The following KDM5B variants were observed in gnomAD, a reference collection of about 807,000 sequenced individuals.
KDM5B encodes the protein lysine-specific demethylase 5B.
A neutral mutation model predicts 193.4 loss-of-function variants in KDM5B; 144 were observed. The observed-to-expected ratio is 0.74, with a 90% CI of 0.65 to 0.86. KDM5B has a LOEUF of 0.86. KDM5B is among the 40% of genes least tolerant of loss of function. The pLI, the probability that KDM5B is intolerant of heterozygous loss-of-function variation, is 0.00. For synonymous variants in KDM5B, 668 were observed against 682.6 expected (o/e 0.98, Z 0.33); for missense variants, 1,833 against 1,886.9 (o/e 0.97, Z 0.53).
At chr1:202,806,191 A>G (rs1658285709) in intron 1 of KDM5B, among the ~76,000 whole-genome samples, 1 of 152,182 alleles carries the variant, frequency 6.6e-6, no homozygotes. Context: ...AGAACAAGAA[A>G]ACAAGATAAA....
chr1:202,778,715 C>G (rs1472678854), intron 1 of KDM5B, among the ~76,000 whole-genome samples: 1 of 152,104 alleles, frequency 6.6e-6, no homozygotes, highest in Non-Finnish European at 1.5e-5. Flanking sequence ...CTCTGCCTCC[C>G]GGGTTCAAGT....
chr1:202,746,519 T>A (rs769422069), intron 14 of KDM5B, 196 bp from the exon 15 acceptor site: 1 of 473,226 alleles, frequency 2.1e-6, no homozygotes, highest in Non-Finnish European at 3.7e-6. Flanking sequence ...TCTAGGGAGA[T>A]CTCCTTTTTC....
At chr1:202,799,738 C>T (rs967990383) in intron 1 of KDM5B, among the ~76,000 whole-genome samples, 2 of 151,890 alleles carry the variant, frequency 1.3e-5, no homozygotes, top group Non-Finnish European at 2.9e-5. Context: ...CTTGATAAAC[C>T]TCTTTTTTAT....
chr1:202,775,572 A>G (rs1245738392), intron 2 of KDM5B, among the ~76,000 whole-genome samples: 3 of 149,566 alleles, frequency 2.0e-5, no homozygotes, highest in African/African-American at 4.9e-5. Context: ...ATAATTATAC[A>G]TGGTCGGGTG....
intron 1 of KDM5B, among the ~76,000 whole-genome samples, chr1:202,780,922 G>T (rs59318150): frequency 6.6e-6 from 1 of 151,962 alleles, no homozygotes; most frequent in African/African-American, 2.4e-5. Flanking sequence ...TACATATGCA[G>T]ATTTTAAATA....
At chr1:202,769,705 CAAATT>C (rs1384257801) in intron 4 of KDM5B, among the ~76,000 whole-genome samples, 3 of 124,794 alleles carry the variant, frequency 2.4e-5, no homozygotes, top group Non-Finnish European at 5.1e-5. Flanking sequence ...AATTATGAGA[CAAATT>C]AAACACCCAA....
chr1:202,729,318 A>G (rs1469057042), intron 26 of KDM5B, 145 bp from the exon 27 acceptor site: 3 of 834,026 alleles, frequency 3.6e-6, no homozygotes, highest in Non-Finnish European at 5.7e-6. Context: ...GCTAAGCCAA[A>G]TGAGTGTAGC....
intron 1 of KDM5B, among the ~76,000 whole-genome samples, chr1:202,789,665 C>T (rs535286285): frequency 0.012 from 466 of 39,506 alleles, 1 homozygote; most frequent in Middle Eastern, 0.029. Flanking sequence ...AGCACCATGG[C>T]GGGACCCTAT....
intron 1 of KDM5B, among the ~76,000 whole-genome samples, chr1:202,788,515 T>C (rs1657504407): frequency 6.6e-6 from 1 of 152,222 alleles, no homozygotes; most frequent in African/African-American, 2.4e-5. Context: ...TAAATTCCTC[T>C]TTTACCACTT....
intron 24 of KDM5B, 51 bp from the exon 25 acceptor site, chr1:202,731,114 A>G: frequency 6.7e-7 from 1 of 1,487,422 alleles, no homozygotes; most frequent in Non-Finnish European, 9.1e-7. Flanking sequence ...GGTGTTTCAC[A>G]TTCACATTTG....
rs371854073 is a variant in KDM5B, at chr1:202,764,167, A to G, written c.712-22T>C. ...TGGCCTTAAAAAAATTGTCATATACATGAATATTTCCTTTAAGAAGAAATA... is the reference window on the plus strand; with the variant it reads ...TGGCCTTAAAAAAATTGTCATATACGTGAATATTTCCTTTAAGAAGAAATA... On this transcript the variant is annotated intron_variant, in intron 5 of 26. Coordinates refer to ENST00000367265, the MANE Select transcript of KDM5B (RefSeq NM_006618.5). The G allele has an allele frequency of 9.2e-6, 11 of 1,201,508 alleles. No individual in the cohort carries two copies. The African/African-American group carries it at 1.4e-4, about 15-fold the overall frequency. 74.4% of individuals were successfully genotyped at this position (1,201,508 alleles called of 1,614,324 possible).
intron 7 of KDM5B, 98 bp downstream of exon 7, chr1:202,762,601 T>C (rs1418042675): frequency 6.9e-6 from 5 of 727,112 alleles, no homozygotes; most frequent in Non-Finnish European, 1.2e-5. Context: ...TTATTTAAGG[T>C]ACAAATTTAA....
intron 25 of KDM5B, among the ~76,000 whole-genome samples, chr1:202,730,375 G>A (rs1170234438): frequency 1.3e-5 from 2 of 152,130 alleles, no homozygotes; most frequent in East Asian, 3.9e-4. Flanking sequence ...TACTATAATA[G>A]TTTCTGTCTA....
rs1654892149 is a variant in KDM5B, at chr1:202,731,815, A to T, written c.4021+13T>A. 6.4e-7 allele frequency: 1 copy of T among 1,559,282 alleles called. No individual in the cohort carries two copies. The highest frequency in any genetic ancestry group is 8.8e-7 in the Non-Finnish European group (1 of 1,130,096). ...TTACTATCCAGCCCTCAACGTAATA[A>T]CAAAATACAAACCATGGAGGGGGAT... On this transcript the variant is annotated intron_variant, in intron 24 of 26. Coordinates refer to ENST00000367265, the MANE Select transcript of KDM5B (RefSeq NM_006618.5).
At position 202,749,114 on chromosome 1, in the gene KDM5B, T is replaced by C; in HGVS notation, c.1847A>G (p.Glu616Gly). 6.2e-7 allele frequency: 1 copy of C among 1,611,330 alleles called. No individual in the cohort carries two copies. The highest frequency in any genetic ancestry group is 8.5e-7 in the Non-Finnish European group (1 of 1,179,284). Residue 616 changes from glutamate (E) to glycine (G), a missense_variant, in exon 14 of 27, where the codon GAG (glutamate) becomes GGG (glycine). Coordinates refer to ENST00000367265, the MANE Select transcript of KDM5B (RefSeq NM_006618.5). ...DWLPLGRQCV[E>G]HYRLLHRYCV... is the part of the protein sequence containing the mutation. ...ATATCGATGAAGCAAGCGATAATGC[T>C]CCACACACTGTCGGCCTAATGGCAG...
intron 10 of KDM5B, 79 bp from the exon 11 acceptor site, chr1:202,755,531 T>C (rs1655975138): frequency 9.1e-7 from 1 of 1,100,238 alleles, no homozygotes; most frequent in Non-Finnish European, 1.3e-6. Context: ...AAAAATATTA[T>C]CCTTCAAAAT....
intron 20 of KDM5B, among the ~76,000 whole-genome samples, chr1:202,736,840 C>T (rs985503646): frequency 2.4e-4 from 36 of 152,074 alleles, no homozygotes; most frequent in African/African-American, 8.5e-4. Context: ...TGGTGTTTCA[C>T]CATGTTGGCC....
chr1:202,750,668 A>G lies in KDM5B; in HGVS notation c.1812T>C (p.Thr604=). Residue 604 remains threonine (T), a synonymous_variant, in exon 13 of 27, where the codon ACT becomes ACC. Coordinates refer to ENST00000367265, the MANE Select transcript of KDM5B (RefSeq NM_006618.5). ...FNFAEAVNFC[T]VDWLPLGRQC... is the part of the protein sequence containing the mutation. ...CATTGTAATTACATACCCAATCAAC[A>G]GTGCAGAAGTTAACAGCCTCAGCAA... The G allele has an allele frequency of 6.2e-7, 1 of 1,613,632 alleles. No homozygotes were observed. Among genetic ancestry groups the G allele is most frequent in the Non-Finnish European group, 8.5e-7 (1 of 1,179,676 alleles).
In KDM5B at chr1:202,733,544, T is replaced by G; in HGVS notation, c.3766A>C (p.Ile1256Leu). ...LPEGDALRYM[I>L]ERTVNWQHRA... is the part of the protein sequence containing the mutation. ...TGCTGCCAGTTCACGGTTCTTTCAA[T>G]CATATATCGAAGTGCATCTCCCTCA... The change falls in exon 23 of 27, where the codon ATT (isoleucine) becomes CTT (leucine). Residue 1256 changes from isoleucine to leucine, a missense_variant. Physicochemically the swap from Ile to Leu is conservative, Grantham distance 5 (BLOSUM62 2). Around this residue, in one of 3 missense-constraint regions of KDM5B, gnomAD observed 1,379 missense variants for 1,349.6 expected, o/e 1.02. Coordinates refer to ENST00000367265, the MANE Select transcript of KDM5B (RefSeq NM_006618.5). 1 of 1,614,154 alleles carries G rather than the reference T, an allele frequency of 6.2e-7. No individual in the cohort carries two copies. Among genetic ancestry groups the G allele is most frequent in the Non-Finnish European group, 8.5e-7 (1 of 1,180,016 alleles).
Sources: allele counts gnomAD v4.1 joint callset (sites outside exome capture counted in the v4.1 genomes callset), GRCh38; gene constraint gnomAD v4.1.1; regional missense constraint gnomAD v4.1.1; transcripts MANE v1.5; gene names NCBI Gene and HGNC (gene_info 2026-07-23, HGNC 2026-07-21).